GPC3: variants seen among roughly 807,000 people sequenced by gnomAD.
GPC3 encodes the protein glypican-3.
A neutral mutation model predicts 34.4 loss-of-function variants in GPC3; 3 were observed. The ratio of observed to expected loss-of-function variants is 0.09; its 90% CI spans 0.04 to 0.23. The LOEUF (loss-of-function observed/expected upper bound fraction) is 0.23, where lower values mean the gene tolerates loss of function less well. GPC3 is among the 10% of genes least tolerant of loss of function. GPC3 has a pLI of 1.00. For missense variants in GPC3, 351 were observed against 445.6 expected, an observed-to-expected ratio of 0.79 and a Z score of 1.91; for synonymous variants, 177 against 174.0, an observed-to-expected ratio of 1.02 and a Z score of -0.13.
intron 2 of GPC3, among the ~76,000 whole-genome samples, chrX:133,873,030 G>T (rs773909433): frequency 8.9e-6 from 1 of 112,272 alleles, no homozygotes; most frequent in African/African-American, 3.2e-5. Flanking sequence ...GGTACAGACC[G>T]TTTTCCTGAA....
At chrX:133,858,814 G>C (rs1252362732) in intron 2 of GPC3, among the ~76,000 whole-genome samples, 1 of 111,516 alleles carries the variant, frequency 9.0e-6, no homozygotes, top group Non-Finnish European at 1.9e-5. Flanking sequence ...AGGCGCGGTG[G>C]CTCACGCCTG....
intron 2 of GPC3, among the ~76,000 whole-genome samples, chrX:133,850,196 T>TTTG (rs1409643608): frequency 5.2e-5 from 5 of 95,562 alleles, no homozygotes; most frequent in African/African-American, 1.6e-4. Context: ...TGGGTTTTGT[T>TTTG]TTTTTTTTTT....
chrX:133,913,113 T>C (rs1424848642), intron 2 of GPC3, among the ~76,000 whole-genome samples: 1 of 110,844 alleles, frequency 9.0e-6, no homozygotes, highest in East Asian at 2.8e-4. Context: ...CTGGAGAAGT[T>C]AACTGCATTG....
chrX:133,680,964 G>A (rs2070936527), intron 5 of GPC3, among the ~76,000 whole-genome samples: 2 of 111,620 alleles, frequency 1.8e-5, no homozygotes, highest in African/African-American at 6.5e-5. Flanking sequence ...GGATTTTGAT[G>A]TTTTTGCAGA....
chrX:133,637,540 C>A (rs1238718106), intron 6 of GPC3, among the ~76,000 whole-genome samples: 1 of 112,064 alleles, frequency 8.9e-6, no homozygotes. Flanking sequence ...CAGGACTTCT[C>A]CTATAAAGTC....
intron 1 of GPC3, among the ~76,000 whole-genome samples, chrX:133,968,167 T>C (rs1292552464): frequency 3.6e-5 from 4 of 112,366 alleles, no homozygotes; most frequent in Admixed American, 2.8e-4. Context: ...TGGGCTGCCT[T>C]CGTGACGTAG....
At chrX:133,769,508 T>A (rs1166461388) in intron 2 of GPC3, among the ~76,000 whole-genome samples, 1 of 112,153 alleles carries the variant, frequency 8.9e-6, no homozygotes, top group Non-Finnish European at 1.9e-5. Flanking sequence ...TCCAAATTCA[T>A]CAAATTGCAC....
intron 2 of GPC3, among the ~76,000 whole-genome samples, chrX:133,909,267 T>C (rs778034578): frequency 3.1e-4 from 35 of 112,675 alleles, no homozygotes; most frequent in Non-Finnish European, 6.2e-4. Context: ...GCCTAATTAC[T>C]AGTTATGCAG....
intron 2 of GPC3, among the ~76,000 whole-genome samples, chrX:133,786,868 G>A (rs529612367): frequency 9.0e-6 from 1 of 111,552 alleles, no homozygotes; most frequent in East Asian, 2.8e-4. Flanking sequence ...CTGAACTAAG[G>A]AGCAAAATTC....
chrX:133,786,891 A>C (rs1195449803), intron 2 of GPC3, among the ~76,000 whole-genome samples: 1 of 111,994 alleles, frequency 8.9e-6, no homozygotes, highest in Non-Finnish European at 1.9e-5. Context: ...TAACACAATC[A>C]AACATCTATC....
chrX:133,630,475 G>C (rs1018669385), intron 6 of GPC3, among the ~76,000 whole-genome samples: 1 of 111,987 alleles, frequency 8.9e-6, no homozygotes, highest in Non-Finnish European at 1.9e-5. Flanking sequence ...AGAGTTTCCA[G>C]TACAGCATTA....
intron 4 of GPC3, among the ~76,000 whole-genome samples, chrX:133,695,031 G>A (rs1056732780): frequency 2.7e-5 from 3 of 111,652 alleles, no homozygotes; most frequent in Non-Finnish European, 3.8e-5. Context: ...ATACCCGACT[G>A]GGTAATTTAT....
intron 1 of GPC3, among the ~76,000 whole-genome samples, chrX:133,970,462 T>C (rs2076486107): frequency 9.1e-6 from 1 of 110,466 alleles, no homozygotes; most frequent in Non-Finnish European, 1.9e-5. Flanking sequence ...TTATCCGTAA[T>C]ATTTTCTTAA....
At position 133,605,176 on chromosome X, in the gene GPC3, G is replaced by GGC. The variant is rs1373849356; in HGVS notation, c.1414-8578_1414-8577insGC. Among the ~76,000 whole-genome samples, 33 of 109,215 alleles carry GGC rather than the reference G, an allele frequency of 3.0e-4. 1 individual carries two copies. Among genetic ancestry groups the GGC allele is most frequent in the African/African-American group, 1.0e-3 (31 of 29,902 alleles). The allele number at this position is 109,215 out of a possible 115,157, so 94.8% of individuals were successfully genotyped here. A position where few individuals can be genotyped will look rare whatever the true frequency, so the allele number is the denominator to read the frequency against. On this transcript the variant is annotated intron_variant, in intron 6 of 7. Transcript: ENST00000370818. ...GCTATATATGCACTTCACACGTGGG[G>GGC]GGGGGGCAATAAAGTATAGCAGTTA...
intron 1 of GPC3, among the ~76,000 whole-genome samples, chrX:133,979,272 T>G (rs1394840175): frequency 8.9e-6 from 1 of 112,118 alleles, no homozygotes; most frequent in African/African-American, 3.2e-5. Context: ...TAATTAACTG[T>G]TCGGAACACT....
chrX:133,965,208 C>G (rs760897383), intron 1 of GPC3, among the ~76,000 whole-genome samples: 62 of 109,307 alleles, frequency 5.7e-4, no homozygotes, highest in Non-Finnish European at 1.1e-3. Flanking sequence ...TGTCCTAAAC[C>G]CTGGAACCTG....
intron 1 of GPC3, among the ~76,000 whole-genome samples, chrX:133,967,158 A>G (rs2076467474): frequency 1.8e-5 from 2 of 112,204 alleles, no homozygotes; most frequent in African/African-American, 6.5e-5. Context: ...TAGTGAATTC[A>G]CTTTTCTCTG....
At chrX:133,541,699 G>A (rs902740237) in intron 7 of GPC3, among the ~76,000 whole-genome samples, 2 of 111,554 alleles carry the variant, frequency 1.8e-5, no homozygotes, top group Admixed American at 9.6e-5. Context: ...GTGTTGAAAA[G>A]TTTTTCTGTA....
chrX:133,714,072 A>G (rs779159997), intron 3 of GPC3, among the ~76,000 whole-genome samples: 15 of 112,110 alleles, frequency 1.3e-4, no homozygotes, highest in African/African-American at 4.5e-4. Flanking sequence ...CAGCTTCCAT[A>G]TTGTAACTAA....
Sources: gnomAD v4.1 joint callset for allele counts (sites outside exome capture counted in the v4.1 genomes callset) on GRCh38, gnomAD v4.1.1 for gene constraint, MANE v1.5 for transcripts, NCBI Gene and HGNC (gene_info 2026-07-23, HGNC 2026-07-21) for gene names.